Variants in CHST14 observed in about 807,000 individuals in gnomAD.
CHST14 encodes the protein carbohydrate (N-acetylgalactosamine 4-0) sulfotransferase 14.
In CHST14, 13 loss-of-function variants were observed where a neutral mutation model predicts 22.7. The ratio of observed to expected loss-of-function variants is 0.57; its 90% CI spans 0.37 to 0.91. CHST14 has a LOEUF of 0.91. Ranked by LOEUF, CHST14 falls within the 40% of genes least tolerant of loss-of-function variation. CHST14 has a pLI of 0.01. For missense variants in CHST14, 466 were observed against 513.1 expected (o/e 0.91, Z 0.89); for synonymous variants, 233 against 231.9 (o/e 1.00, Z -0.04).
At position 40,471,306 on chromosome 15, in the gene CHST14, G is replaced by A. The variant is rs1355897141; in HGVS notation, c.93G>A (p.Arg31=). ...GGCGGGCCCCTCTGGGCAGGGCCCG[G>A]GCGGGGCTGGGTGGGCCGCCCCTGC... ...ALRRAPLGRA[R]AGLGGPPLLL... is the part of the protein sequence containing the mutation. The change falls in exon 1 of 1, where the codon CGG becomes CGA. Residue 31 remains arginine, a synonymous_variant. Transcript: ENST00000306243. This position sits in a 1 kb window ranked among gnomAD's most constrained non-coding sequence, Gnocchi z 6.4. 2 of 1,533,784 alleles carry A rather than the reference G, an allele frequency of 1.3e-6. No individual in the cohort carries two copies. The highest frequency in any genetic ancestry group is 2.5e-5 in the East Asian group (1 of 40,594).
At position 40,471,528 on chromosome 15, in the gene CHST14, G is replaced by T. The variant is rs903042632; in HGVS notation, c.315G>T (p.Arg105=). 4 of 1,601,230 alleles carry T rather than the reference G, an allele frequency of 2.5e-6. No individual in the cohort carries two copies. The highest frequency in any genetic ancestry group is 1.7e-4 in the Middle Eastern group (1 of 6,034). ...CTGGGGACGCGGACTTGCAAGTGCG[G>T]CAGGACGTCCGGAACAGGACCCTGC... ...LRAGDADLQV[R]QDVRNRTLRA... Residue 105 remains arginine, a synonymous_variant, in exon 1 of 1, where the codon CGG becomes CGT. Transcript: ENST00000306243. The surrounding 1 kb of genome is among the most constrained non-coding windows in gnomAD (Gnocchi z 6.4).
In CHST14 at chr15:40,471,304, C is replaced by A; in HGVS notation, c.91C>A (p.Arg31=). Residue 31 remains arginine, a synonymous_variant, in exon 1 of 1, where the codon CGG becomes AGG. Transcript: ENST00000306243. The surrounding 1 kb of genome is among the most constrained non-coding windows in gnomAD (Gnocchi z 6.4). ...ALRRAPLGRA[R]AGLGGPPLLL... is the part of the protein sequence containing the mutation. ...GAGGCGGGCCCCTCTGGGCAGGGCC[C>A]GGGCGGGGCTGGGTGGGCCGCCCCT... is the stretch of plus-strand genomic sequence containing the variant. The A allele has an allele frequency of 6.5e-7, 1 of 1,532,894 alleles. No homozygotes were observed. Among genetic ancestry groups the A allele is most frequent in the Non-Finnish European group, 8.7e-7 (1 of 1,145,420 alleles). The allele number at this position is 1,532,894 out of a possible 1,614,324, so 95.0% of individuals were successfully genotyped here.
rs541231571 is a variant in CHST14, at chr15:40,471,181, C to G, written c.-33C>G. 655 of 1,304,876 alleles carry G rather than the reference C, an allele frequency of 5.0e-4. 3 individuals carry two copies. In the African/African-American group the frequency reaches 9.2e-3, roughly 18 times the overall value. The allele number at this position is 1,304,876 out of a possible 1,614,324, so 80.8% of individuals were successfully genotyped here. The stretch of plus-strand genomic sequence containing the variant: ...CCTTCCAGGCCGCCCTCGGATCGGC[C>G]GGGCCCGCGCAGGCCCCCACCCCTT... On this transcript the variant is annotated 5_prime_UTR_variant, in exon 1 of 1. Transcript: ENST00000306243. This position sits in a 1 kb window ranked among gnomAD's most constrained non-coding sequence, Gnocchi z 6.4.
Position 40,471,714 on chromosome 15 carries a change from G to C in CHST14, c.501G>C (p.Lys167Asn), listed in dbSNP as rs763410236. 5.0e-6 allele frequency: 8 copies of C among 1,613,606 alleles called. No individual in the cohort carries two copies. In the South Asian group the frequency reaches 8.8e-5, roughly 18 times the overall value. ...VACSNWKRVMKVLAGVLDSVD... is the reference protein window; with the variant it reads ...VACSNWKRVMNVLAGVLDSVD... ...GCTCTAACTGGAAGCGGGTGATGAA[G>C]GTGCTGGCAGGCGTCCTGGACAGCG... Residue 167 changes from lysine (K) to asparagine (N), a missense_variant, in exon 1 of 1, where the codon AAG (lysine) becomes AAC (asparagine). Lys to Asn is a moderately conservative substitution (Grantham distance 94). Coordinates refer to ENST00000306243, the MANE Select transcript of CHST14 (RefSeq NM_130468.4). The surrounding 1 kb of genome is among the most constrained non-coding windows in gnomAD (Gnocchi z 6.4).
chr15:40,472,354 TG>T lies in CHST14; in HGVS notation c.*14del. ...GGCGTGTCAGCAGTGACCATGGGTGTGGGGCCAGCAGCTGGTGGGGACTGGT... is the reference window on the plus strand; with the variant it reads ...GGCGTGTCAGCAGTGACCATGGGTGTGGGCCAGCAGCTGGTGGGGACTGGT... On this transcript the variant is annotated 3_prime_UTR_variant, in exon 1 of 1. Transcript: ENST00000306243. 6.3e-7 allele frequency: 1 copy of T among 1,587,780 alleles called. No individual in the cohort carries two copies.
rs1030815676 is a variant in CHST14 at position 40,471,245 on chromosome 15, C to T, written c.32C>T (p.Ala11Val). The change falls in exon 1 of 1, where the codon GCC (alanine) becomes GTC (valine). Residue 11 changes from alanine to valine, a missense_variant. Physicochemically the swap from Ala to Val is moderately conservative, Grantham distance 64. Transcript: ENST00000306243. This position sits in a 1 kb window ranked among gnomAD's most constrained non-coding sequence, Gnocchi z 6.4. MFPRPLTPLA[A>V]PNGAEPLGRA... is the part of the protein sequence containing the mutation. ...CCCCGCCCGCTGACCCCGCTGGCGG[C>T]CCCAAATGGCGCCGAGCCCCTGGGC... 37 of 1,447,882 alleles carry T rather than the reference C, an allele frequency of 2.6e-5. No homozygotes were observed. The highest frequency in any genetic ancestry group is 1.6e-4 in the African/African-American group (11 of 66,776). The allele number at this position is 1,447,882 out of a possible 1,614,324, so 89.7% of individuals were successfully genotyped here. A position where few individuals can be genotyped will look rare whatever the true frequency, so the allele number is the denominator to read the frequency against.
chr15:40,471,396 G>C lies in CHST14; in HGVS notation c.183G>C (p.Glu61Asp). Residue 61 changes from glutamate (E) to aspartate (D), a missense_variant, in exon 1 of 1, where the codon GAG becomes GAC. By Grantham distance (45) the Glu-to-Asp change is conservative (BLOSUM62 2). Transcript: ENST00000306243. The surrounding 1 kb of genome is among the most constrained non-coding windows in gnomAD (Gnocchi z 6.4). Reference sequence around the variant, plus strand: ...CCAGCGGGCTGCTGCTCATGATCGAGCGGGGCATCCTGGCCGAGATGAAGC... The same window carrying C: ...CCAGCGGGCTGCTGCTCATGATCGACCGGGGCATCCTGGCCGAGATGAAGC... Reference protein sequence around the residue: ...VASSGLLLMIERGILAEMKPL... With the variant: ...VASSGLLLMIDRGILAEMKPL... 1 of 1,557,480 alleles carries C rather than the reference G, an allele frequency of 6.4e-7. No individual in the cohort carries two copies. The highest frequency in any genetic ancestry group is 8.7e-7 in the Non-Finnish European group (1 of 1,155,650).
At position 40,471,356 on chromosome 15, in the gene CHST14, CG is replaced by C. The variant is rs397518432; in HGVS notation, c.145del (p.Val49Ter). ...PLLLPSMLMF[A>X]VIVASSGLLL... ...CTGCTGCCGTCCATGCTGATGTTTG[CG>C]GTGATCGTGGCCTCCAGCGGGCTGC... On this transcript the variant is annotated frameshift_variant, in exon 1 of 1. Coordinates refer to ENST00000306243, the MANE Select transcript of CHST14 (RefSeq NM_130468.4). LOFTEE classifies it high-confidence loss of function. The surrounding 1 kb of genome is among the most constrained non-coding windows in gnomAD (Gnocchi z 6.4). 10 of 1,552,980 alleles carry C rather than the reference CG, an allele frequency of 6.4e-6. No individual in the cohort carries two copies. Among genetic ancestry groups the C allele is most frequent in the Non-Finnish European group, 8.7e-6 (10 of 1,153,992 alleles).
rs1894333077 is a variant in CHST14 at position 40,471,008 on chromosome 15, G to A, written c.-206G>A. The A allele has an allele frequency of 3.3e-6, 1 of 298,768 alleles. No homozygotes were observed. The highest frequency in any genetic ancestry group is 2.2e-5 in the African/African-American group (1 of 44,972). The allele number at this position is 298,768 out of a possible 1,614,324, so 18.5% of individuals were successfully genotyped here. On this transcript the variant is annotated 5_prime_UTR_variant, in exon 1 of 1. Coordinates refer to ENST00000306243, the MANE Select transcript of CHST14 (RefSeq NM_130468.4). This position sits in a 1 kb window ranked among gnomAD's most constrained non-coding sequence, Gnocchi z 6.4. ...CGGCCGGGCGGGACATCCGGCCCGG[G>A]TCCCTCGCCGCGCCCGCCGCCCGCC...
rs767533841 is a variant in CHST14, at chr15:40,472,132, A to C, written c.919A>C (p.Asn307His). The change falls in exon 1 of 1, where the codon AAT (asparagine) becomes CAT (histidine). Residue 307 changes from asparagine (N) to histidine (H), a missense_variant. Asn to His is a moderately conservative substitution (Grantham distance 68, BLOSUM62 1). Coordinates refer to ENST00000306243, the MANE Select transcript of CHST14 (RefSeq NM_130468.4). ...GSYERLEADA[N>H]QVLEWVRAPP... is the part of the protein sequence containing the mutation. ...CTATGAGAGGCTGGAGGCTGATGCA[A>C]ATCAGGTGCTGGAGTGGGTACGGGC... 7 of 1,614,112 alleles carry C rather than the reference A, an allele frequency of 4.3e-6. No individual in the cohort carries two copies. The highest frequency in any genetic ancestry group is 5.9e-6 in the Non-Finnish European group (7 of 1,180,016).
In CHST14 at chr15:40,472,072, C is replaced by G. The variant is rs746444897; in HGVS notation, c.859C>G (p.Gln287Glu). The G allele has an allele frequency of 6.2e-7, 1 of 1,614,190 alleles. No homozygotes were observed. The highest frequency in any genetic ancestry group is 1.1e-5 in the South Asian group (1 of 91,088). The change falls in exon 1 of 1, where the codon CAG becomes GAG. Residue 287 changes from glutamine to glutamate, a missense_variant. Physicochemically the swap from Gln to Glu is conservative, Grantham distance 29. Transcript: ENST00000306243. ...TTGGATGCCCGTGTACCACCTGTGCCAGCCTTGTGCCGTGCACTATGACTT... is the reference window on the plus strand; with the variant it reads ...TTGGATGCCCGTGTACCACCTGTGCGAGCCTTGTGCCGTGCACTATGACTT... Reference protein sequence around the residue: ...EHWMPVYHLCQPCAVHYDFVG... With the variant: ...EHWMPVYHLCEPCAVHYDFVG...
Position 40,472,439 on chromosome 15 carries a change from T to C in CHST14, c.*95T>C. On this transcript the variant is annotated 3_prime_UTR_variant, in exon 1 of 1. Coordinates refer to ENST00000306243, the MANE Select transcript of CHST14 (RefSeq NM_130468.4). ...TTCGGAGAAACTCTGGCTCTGGGGC[T>C]TGGGGCTTCTCAGGATCCTGGATGG... 1 of 1,408,788 alleles carries C rather than the reference T, an allele frequency of 7.1e-7. No individual in the cohort carries two copies. Among genetic ancestry groups the C allele is most frequent in the East Asian group, 2.3e-5 (1 of 43,710 alleles). The allele number at this position is 1,408,788 out of a possible 1,614,324, so 87.3% of individuals were successfully genotyped here. A position where few individuals can be genotyped will look rare whatever the true frequency, so the allele number is the denominator to read the frequency against.
rs1173118928 is a variant in CHST14 at position 40,472,935 on chromosome 15, A to AC, written c.*594dup. 6.0e-6 allele frequency: 1 copy of AC among 167,408 alleles called. No individual in the cohort carries two copies. Among genetic ancestry groups the AC allele is most frequent in the African/African-American group, 2.4e-5 (1 of 41,446 alleles). 10.4% of individuals were successfully genotyped at this position (167,408 alleles called of 1,614,324 possible). ...AGCTCCAGGACCCAGCTCTGCAGGCACCCAAAGACCCTCTGTGCCCAGCCT... is the reference window on the plus strand; with the variant it reads ...AGCTCCAGGACCCAGCTCTGCAGGCACCCCAAAGACCCTCTGTGCCCAGCCT... On this transcript the variant is annotated 3_prime_UTR_variant, in exon 1 of 1. Coordinates refer to ENST00000306243, the MANE Select transcript of CHST14 (RefSeq NM_130468.4).
chr15:40,471,604 G>A lies in CHST14; in HGVS notation c.391G>A (p.Val131Met), dbSNP rs1894348147. Residue 131 changes from valine (V) to methionine (M), a missense_variant, in exon 1 of 1, where the codon GTG becomes ATG. Physicochemically the swap from Val to Met is conservative, Grantham distance 21. Coordinates refer to ENST00000306243, the MANE Select transcript of CHST14 (RefSeq NM_130468.4). The surrounding 1 kb of genome is among the most constrained non-coding windows in gnomAD (Gnocchi z 6.4). ...GMPRDPWDLP[V>M]GQRRTLLRHI... ...GCCCCGGGACCCCTGGGACTTGCCG[G>A]TGGGGCAGCGGCGCACCCTGCTGCG... is the stretch of plus-strand genomic sequence containing the variant. The A allele has an allele frequency of 1.2e-6, 2 of 1,612,700 alleles. No individual in the cohort carries two copies. Among genetic ancestry groups the A allele is most frequent in the South Asian group, 2.2e-5 (2 of 91,088 alleles).
rs1894345321 is a variant in CHST14, at chr15:40,471,485, G to C, written c.272G>C (p.Gly91Ala). The stretch of plus-strand genomic sequence containing the variant: ...TGGCGCGGGAAAGCCCCCAAGCCTG[G>C]GGGCCTGTCCCTCAGGGCTGGGGAC... ...TAWRGKAPKPGGLSLRAGDAD... is the reference protein window; with the variant it reads ...TAWRGKAPKPAGLSLRAGDAD... Residue 91 changes from glycine to alanine, a missense_variant, in exon 1 of 1, where the codon GGG (glycine) becomes GCG (alanine). By Grantham distance (60) the Gly-to-Ala change is moderately conservative (BLOSUM62 0). Coordinates refer to ENST00000306243, the MANE Select transcript of CHST14 (RefSeq NM_130468.4). The surrounding 1 kb of genome is among the most constrained non-coding windows in gnomAD (Gnocchi z 6.4). 2 of 1,599,668 alleles carry C rather than the reference G, an allele frequency of 1.3e-6. No individual in the cohort carries two copies. The highest frequency in any genetic ancestry group is 8.5e-7 in the Non-Finnish European group (1 of 1,177,100).
rs148053059 is a variant in CHST14 at position 40,471,978 on chromosome 15, C to T, written c.765C>T (p.Gly255=). ...YRAGAGPSPA[G]DDVTFPEFLR... is the part of the protein sequence containing the mutation. ...CTGGAGCGGGGCCCAGCCCTGCAGG[C>T]GACGATGTCACATTCCCCGAGTTCC... Residue 255 remains glycine, a synonymous_variant, in exon 1 of 1, where the codon GGC becomes GGT. Transcript: ENST00000306243. This position sits in a 1 kb window ranked among gnomAD's most constrained non-coding sequence, Gnocchi z 6.4. 72 of 1,614,120 alleles carry T rather than the reference C, an allele frequency of 4.5e-5. No homozygotes were observed. In the African/African-American group the frequency reaches 7.1e-4, roughly 16 times the overall value.
chr15:40,471,630 C>G lies in CHST14; in HGVS notation c.417C>G (p.Arg139=), dbSNP rs757224402. 6.2e-7 allele frequency: 1 copy of G among 1,613,184 alleles called. No homozygotes were observed. The highest frequency in any genetic ancestry group is 8.5e-7 in the Non-Finnish European group (1 of 1,180,012). ...TGGGGCAGCGGCGCACCCTGCTGCG[C>G]CACATCCTCGTAAGTGACCGTTACC... The part of the protein sequence containing the change: ...LPVGQRRTLL[R]HILVSDRYRF... The change falls in exon 1 of 1, where the codon CGC becomes CGG. Residue 139 remains arginine, a synonymous_variant. Transcript: ENST00000306243. The surrounding 1 kb of genome is among the most constrained non-coding windows in gnomAD (Gnocchi z 6.4).
Position 40,471,961 on chromosome 15 carries a change from G to A in CHST14, c.748G>A (p.Gly250Arg). The change falls in exon 1 of 1, where the codon GGG becomes AGG. Residue 250 changes from glycine to arginine, a missense_variant. Transcript: ENST00000306243. This position sits in a 1 kb window ranked among gnomAD's most constrained non-coding sequence, Gnocchi z 6.4. Reference sequence around the variant, plus strand: ...AGTGAGGCGGTACAGGGCTGGAGCGGGGCCCAGCCCTGCAGGCGACGATGT... The same window carrying A: ...AGTGAGGCGGTACAGGGCTGGAGCGAGGCCCAGCCCTGCAGGCGACGATGT... Reference protein sequence around the residue: ...EIVRRYRAGAGPSPAGDDVTF... With the variant: ...EIVRRYRAGARPSPAGDDVTF... 6.2e-7 allele frequency: 1 copy of A among 1,614,114 alleles called. No individual in the cohort carries two copies. The highest frequency in any genetic ancestry group is 8.5e-7 in the Non-Finnish European group (1 of 1,180,026).
rs373828117 is a variant in CHST14 at position 40,473,100 on chromosome 15, C to G, written c.*756C>G. ...AAAATTTGTACTTTTTGATAGAACC[C>G]TTGTAAGGGCTTTGTTTTCCTAATA... On this transcript the variant is annotated 3_prime_UTR_variant, in exon 1 of 1. Coordinates refer to ENST00000306243, the MANE Select transcript of CHST14 (RefSeq NM_130468.4). The G allele has an allele frequency of 1.8e-5, 3 of 167,154 alleles. No homozygotes were observed. The highest frequency in any genetic ancestry group is 1.9e-4 in the East Asian group (1 of 5,200). 10.4% of individuals were successfully genotyped at this position (167,154 alleles called of 1,614,324 possible).
Sources: allele counts gnomAD v4.1 joint callset, GRCh38; gene constraint gnomAD v4.1.1; non-coding constraint Gnocchi (gnomAD v3.1); transcripts MANE v1.5; gene names NCBI Gene and HGNC (gene_info 2026-07-23, HGNC 2026-07-21).